GLIS3: variants seen among roughly 807,000 people sequenced by gnomAD.
GLIS3 encodes zinc finger protein GLIS3.
Under a neutral mutation model 78.6 loss-of-function variants are expected in GLIS3, and 53 were observed. The observed-to-expected ratio is 0.67, with a 90% CI of 0.54 to 0.85. GLIS3 has a LOEUF of 0.85. Ranked by LOEUF, GLIS3 falls within the 40% of genes least tolerant of loss-of-function variation. GLIS3 has a pLI of 0.00. For synonymous variants in GLIS3, 684 were observed against 509.9 expected (o/e 1.34, Z -4.60); for missense variants, 1,703 against 1,231.1 (o/e 1.38, Z -5.74).
intron 8 of GLIS3, among the ~76,000 whole-genome samples, chr9:3,862,801 G>A (rs1034708954): frequency 1.1e-4 from 17 of 152,260 alleles, no homozygotes; most frequent in African/African-American, 3.9e-4. Context: ...CCCAAAGAAG[G>A]AAGGATTCAT....
chr9:4,244,574 A>AT (rs909394528), intron 2 of GLIS3, among the ~76,000 whole-genome samples: 3 of 151,718 alleles, frequency 2.0e-5, no homozygotes, highest in Non-Finnish European at 2.9e-5. Context: ...ATCTCAAGGA[A>AT]TTTTTTTTCT....
At chr9:4,486,881 A>T in the GLIS3 span, among the ~76,000 whole-genome samples, 1 of 152,060 alleles carries the variant, frequency 6.6e-6, no homozygotes, top group Non-Finnish European at 1.5e-5. Context: ...TAAGTTTTGT[A>T]GAGCCAAGAT....
At chr9:4,456,316 T>C in the GLIS3 span, among the ~76,000 whole-genome samples, 3 of 152,220 alleles carry the variant, frequency 2.0e-5, no homozygotes, top group Non-Finnish European at 4.4e-5. Context: ...TGATGGTTGC[T>C]GAATGTTGGG....
At chr9:4,029,044 T>C (rs1217956396) in intron 4 of GLIS3, among the ~76,000 whole-genome samples, 1 of 152,144 alleles carries the variant, frequency 6.6e-6, no homozygotes, top group Non-Finnish European at 1.5e-5. Context: ...GAGGTGTATT[T>C]TGTAGAAAGA....
intron 3 of GLIS3, among the ~76,000 whole-genome samples, chr9:4,122,546 G>C (rs1832269229): frequency 6.6e-6 from 1 of 152,164 alleles, no homozygotes; most frequent in Non-Finnish European, 1.5e-5. Flanking sequence ...TTTGGATCTG[G>C]AATGACATTC....
intron 4 of GLIS3, among the ~76,000 whole-genome samples, chr9:4,007,657 T>A (rs960533813): frequency 2.6e-5 from 4 of 151,974 alleles, no homozygotes; most frequent in African/African-American, 9.7e-5. Flanking sequence ...ACTGATGAAA[T>A]ATACCAATTT....
rs1423907824 is a variant in GLIS3, at chr9:3,828,302, G to T, written c.2763C>A (p.Ser921Arg). Residue 921 changes from serine to arginine, a missense_variant, in exon 11 of 11, where the codon AGC becomes AGA. By Grantham distance (110) the Ser-to-Arg change is moderately radical (BLOSUM62 -1). Transcript: ENST00000381971. ...CTTCGGTGTAGACAGAGGAGAGCTGGCTAGGACAGCGGTCCACGGTGCTGA... is the reference window on the plus strand; with the variant it reads ...CTTCGGTGTAGACAGAGGAGAGCTGTCTAGGACAGCGGTCCACGGTGCTGA... ...LQISTVDRCP[S>R]QLSSVYTEG The T allele has an allele frequency of 6.2e-7, 1 of 1,614,098 alleles. No individual in the cohort carries two copies. Among genetic ancestry groups the T allele is most frequent in the Non-Finnish European group, 8.5e-7 (1 of 1,180,004 alleles).
the GLIS3 span, among the ~76,000 whole-genome samples, chr9:4,378,761 G>C: frequency 1.3e-5 from 2 of 152,158 alleles, no homozygotes; most frequent in Non-Finnish European, 1.5e-5. Flanking sequence ...AGCATGTGTA[G>C]GGTAAACTTC....
intron 4 of GLIS3, among the ~76,000 whole-genome samples, chr9:3,953,791 C>CTATA (rs1401426160): frequency 6.9e-4 from 33 of 47,942 alleles, no homozygotes; most frequent in Non-Finnish European, 1.4e-3. Flanking sequence ...CTCTCTCTCT[C>CTATA]TCTCTATATA....
intron 2 of GLIS3, chr9:4,145,276 A>G (rs1264753154): frequency 1.3e-5 from 2 of 152,222 alleles, no homozygotes. Context: ...TTTTTAAGCC[A>G]ATACTACAAC....
the GLIS3 span, among the ~76,000 whole-genome samples, chr9:4,365,559 A>G: frequency 1.3e-5 from 2 of 151,708 alleles, no homozygotes. Context: ...CCATCTCAAA[A>G]AAAAAGAAAA....
intron 4 of GLIS3, among the ~76,000 whole-genome samples, chr9:4,061,222 C>A (rs1391467231): frequency 3.0e-5 from 4 of 133,198 alleles, no homozygotes; most frequent in South Asian, 2.9e-4. Context: ...CCCCTCCCCC[C>A]ACCCCATGAC....
At chr9:4,164,984 T>C (rs761969238) in intron 2 of GLIS3, among the ~76,000 whole-genome samples, 5 of 152,118 alleles carry the variant, frequency 3.3e-5, no homozygotes, top group Non-Finnish European at 7.4e-5. Context: ...CTTTTTAAGG[T>C]ATCATGCTTT....
chr9:3,837,566 G>A (rs939310556), intron 9 of GLIS3, among the ~76,000 whole-genome samples: 1 of 152,134 alleles, frequency 6.6e-6, no homozygotes, highest in Non-Finnish European at 1.5e-5. Flanking sequence ...AGTACATGCA[G>A]GCAATGGAAT....
At chr9:4,169,336 G>C (rs1187317259) in intron 2 of GLIS3, among the ~76,000 whole-genome samples, 1 of 152,196 alleles carries the variant, frequency 6.6e-6, no homozygotes, top group Non-Finnish European at 1.5e-5. Context: ...ACCCTAAGAA[G>C]TATACGAAGG....
intron 2 of GLIS3, among the ~76,000 whole-genome samples, chr9:4,255,178 T>C (rs1461230560): frequency 1.3e-5 from 2 of 152,314 alleles, no homozygotes; most frequent in East Asian, 3.9e-4. Flanking sequence ...TACACACCTA[T>C]CATGACTACC....
At chr9:3,884,932 G>A (rs1821974257) in intron 7 of GLIS3, among the ~76,000 whole-genome samples, 1 of 152,160 alleles carries the variant, frequency 6.6e-6, no homozygotes, top group South Asian at 2.1e-4. Context: ...AAGGCTGCTT[G>A]TTGCCAATAG....
At chr9:3,863,069 G>GTT (rs1198753979) in intron 8 of GLIS3, among the ~76,000 whole-genome samples, 1 of 152,106 alleles carries the variant, frequency 6.6e-6, no homozygotes, top group African/African-American at 2.4e-5. Context: ...GAAAAGCCCA[G>GTT]TTTTAAGGAT....
At chr9:4,250,238 C>G (rs1023417280) in intron 2 of GLIS3, among the ~76,000 whole-genome samples, 1 of 152,198 alleles carries the variant, frequency 6.6e-6, no homozygotes, top group Non-Finnish European at 1.5e-5. Context: ...GGCTGTGAAT[C>G]CATCTGGTCC....
Sources: allele counts gnomAD v4.1 joint callset (sites outside exome capture counted in the v4.1 genomes callset), GRCh38; gene constraint gnomAD v4.1.1; transcripts MANE v1.5; gene names NCBI Gene and HGNC (gene_info 2026-07-23, HGNC 2026-07-21).